Variants in GPC6 observed in about 807,000 individuals in gnomAD.
GPC6 encodes the protein glypican 6, also known as glypican-6.
In GPC6, 14 loss-of-function variants were observed where a neutral mutation model predicts 55.2. The observed-to-expected ratio is 0.25, with a 90% CI of 0.17 to 0.40. The LOEUF (loss-of-function observed/expected upper bound fraction) is 0.40. GPC6 is among the 10% of genes least tolerant of loss of function. The pLI is 1.00. For missense variants in GPC6, 641 were observed against 708.5 expected (o/e 0.90, Z 1.08); for synonymous variants, 278 against 259.6 (o/e 1.07, Z -0.68).
At chr13:93,757,502 G>C (rs184272605) in intron 2 of GPC6, among the ~76,000 whole-genome samples, 106 of 152,282 alleles carry the variant, frequency 7.0e-4, no homozygotes, top group African/African-American at 2.4e-3. Context: ...GTGAGAAGCA[G>C]TGGACACTTC....
intron 2 of GPC6, among the ~76,000 whole-genome samples, chr13:93,808,030 A>C (rs2138946990): frequency 6.6e-6 from 1 of 152,322 alleles, no homozygotes; most frequent in Admixed American, 6.5e-5. Flanking sequence ...TGTACTTATG[A>C]AATTAAGTAG....
chr13:94,383,413 C>T (rs916623177), intron 7 of GPC6, among the ~76,000 whole-genome samples: 2 of 152,132 alleles, frequency 1.3e-5, no homozygotes, highest in Non-Finnish European at 2.9e-5. Context: ...GCATATGAAG[C>T]AGCTGTGATC....
intron 2 of GPC6, among the ~76,000 whole-genome samples, chr13:93,745,806 A>C (rs1884378282): frequency 6.6e-6 from 1 of 152,206 alleles, no homozygotes; most frequent in South Asian, 2.1e-4. Flanking sequence ...TCTGCTTCTG[A>C]TGATAAGAAG....
At chr13:94,230,746 G>A (rs932836028) in intron 4 of GPC6, among the ~76,000 whole-genome samples, 4 of 152,122 alleles carry the variant, frequency 2.6e-5, no homozygotes, top group Admixed American at 6.6e-5. Flanking sequence ...ACAGCCTAGC[G>A]TATAAATGCA....
At chr13:93,550,302 T>A (rs75344266) in intron 2 of GPC6, among the ~76,000 whole-genome samples, 2,031 of 152,248 alleles carry the variant, frequency 0.013, 42 homozygotes, top group African/African-American at 0.045. Context: ...TTCTTTTTCC[T>A]TTGGATTTAT....
At chr13:93,384,484 TTGCTA>T (rs1400903586) in intron 1 of GPC6, among the ~76,000 whole-genome samples, 2 of 151,950 alleles carry the variant, frequency 1.3e-5, no homozygotes, top group East Asian at 3.9e-4. Flanking sequence ...TTATAAAGAA[TTGCTA>T]ACAGAATTAA....
chr13:93,535,929 T>C (rs954882599), intron 1 of GPC6, among the ~76,000 whole-genome samples: 4 of 152,160 alleles, frequency 2.6e-5, no homozygotes, highest in African/African-American at 9.7e-5. Flanking sequence ...GTGATGAGCC[T>C]GTATGTTTGG....
chr13:94,347,136 A>T (rs1301073774), intron 6 of GPC6, among the ~76,000 whole-genome samples: 1 of 152,172 alleles, frequency 6.6e-6, no homozygotes, highest in Admixed American at 6.5e-5. Flanking sequence ...TGAGCATTTC[A>T]GATGCACGAT....
intron 2 of GPC6, among the ~76,000 whole-genome samples, chr13:93,658,127 T>C (rs1350154412): frequency 2.0e-5 from 3 of 152,006 alleles, no homozygotes; most frequent in Non-Finnish European, 4.4e-5. Flanking sequence ...TTGATAAATA[T>C]AATCACTTTT....
intron 1 of GPC6, among the ~76,000 whole-genome samples, chr13:93,496,074 T>C (rs1384040989): frequency 2.0e-5 from 3 of 152,058 alleles, no homozygotes; most frequent in Non-Finnish European, 4.4e-5. Flanking sequence ...TCCTGGCTGC[T>C]TTGTTTACCT....
At chr13:93,673,284 C>T (rs1881443436) in intron 2 of GPC6, among the ~76,000 whole-genome samples, 1 of 152,110 alleles carries the variant, frequency 6.6e-6, no homozygotes, top group African/African-American at 2.4e-5. Context: ...GTTATTCCTC[C>T]ACTATGTTGT....
chr13:93,961,265 C>A (rs1191092246), intron 3 of GPC6, among the ~76,000 whole-genome samples: 1 of 152,184 alleles, frequency 6.6e-6, no homozygotes, highest in Non-Finnish European at 1.5e-5. Flanking sequence ...TCTCTTGAGT[C>A]TTAACTGGCT....
In GPC6 at chr13:93,500,515, C is replaced by T. The variant is rs567807890; in HGVS notation, c.161-44748C>T. Among the ~76,000 whole-genome samples the T allele has an allele frequency of 1.1e-3, 14 of 12,578 alleles. No homozygotes were observed. In the East Asian group the frequency reaches 0.057, roughly 51 times the overall value. The allele number at this position is 12,578 out of a possible 152,430, so 8.3% of individuals were successfully genotyped here. A position where few individuals can be genotyped will look rare whatever the true frequency, so the allele number is the denominator to read the frequency against. ...AACTCATTTCTATATGAAAGGCATC[C>T]AAACTGCAAAAAAAATAATTGCATA... On this transcript the variant is annotated intron_variant, in intron 1 of 8. Transcript: ENST00000377047.
At chr13:94,054,052 TC>T (rs1310024000) in intron 4 of GPC6, among the ~76,000 whole-genome samples, 28 of 152,110 alleles carry the variant, frequency 1.8e-4, no homozygotes, top group Admixed American at 1.0e-3. Context: ...GGATTAAAAG[TC>T]CTAGAAGTCA....
chr13:93,469,858 A>G (rs554281076), intron 1 of GPC6, among the ~76,000 whole-genome samples: 73 of 152,108 alleles, frequency 4.8e-4, no homozygotes, highest in Non-Finnish European at 8.4e-4. Flanking sequence ...TATGAACACC[A>G]TTTACTGAAA....
At chr13:93,919,626 A>G (rs888236369) in intron 3 of GPC6, among the ~76,000 whole-genome samples, 1 of 152,234 alleles carries the variant, frequency 6.6e-6, no homozygotes, top group Non-Finnish European at 1.5e-5. Flanking sequence ...GCTTTGATTA[A>G]TGAACCTGGG....
At chr13:94,368,081 G>A (rs1237491853) in intron 6 of GPC6, among the ~76,000 whole-genome samples, 4 of 151,052 alleles carry the variant, frequency 2.6e-5, no homozygotes, top group African/African-American at 9.8e-5. Context: ...CCCAGGAGGC[G>A]GGGGTTGCAG....
intron 1 of GPC6, among the ~76,000 whole-genome samples, chr13:93,498,012 T>C (rs1421208694): frequency 6.6e-6 from 1 of 152,214 alleles, no homozygotes; most frequent in Admixed American, 6.5e-5. Context: ...AAGAAGGATG[T>C]CATCTTCTAT....
intron 4 of GPC6, among the ~76,000 whole-genome samples, chr13:94,194,320 G>A (rs1203860164): frequency 2.0e-5 from 3 of 152,098 alleles, no homozygotes; most frequent in Non-Finnish European, 4.4e-5. Context: ...TGTGGAGAGT[G>A]GTGTTTATCT....
Sources: allele counts gnomAD v4.1 joint callset (sites outside exome capture counted in the v4.1 genomes callset), GRCh38; gene constraint gnomAD v4.1.1; transcripts MANE v1.5; gene names NCBI Gene and HGNC (gene_info 2026-07-23, HGNC 2026-07-21).